The following EXTL3 variants were observed in gnomAD, a reference collection of about 807,000 sequenced individuals.
EXTL3 encodes the protein exostosin like glycosyltransferase 3, also known as exostosin-like 3.
Under a neutral mutation model 69.3 loss-of-function variants are expected in EXTL3, and 27 were observed. The observed-to-expected ratio is 0.39, with a 90% CI of 0.29 to 0.54. The LOEUF is 0.54. Among genes scored for constraint, EXTL3 ranks in the 20% least tolerant of loss-of-function variants. EXTL3 has a pLI of 0.69. For synonymous variants in EXTL3, 511 were observed against 499.4 expected, an observed-to-expected ratio of 1.02 and a Z score of -0.31; for missense variants, 1,003 against 1,231.8, an observed-to-expected ratio of 0.81 and a Z score of 2.78.
chr8:28,673,632 T>C lies in EXTL3; in HGVS notation c.-52-39825T>C, dbSNP rs77227158. Among the ~76,000 whole-genome samples, 345 of 152,312 alleles carry C rather than the reference T, an allele frequency of 2.3e-3. 2 individuals carry two copies. Among genetic ancestry groups the C allele is most frequent in the African/African-American group, 7.6e-3 (315 of 41,584 alleles). On this transcript the variant is annotated intron_variant, in intron 1 of 6. Transcript: ENST00000523149. ...TACTATCCATAATCGTGTGAGTCAATTCCTTACAATTAATCAATCCCTCTC... is the reference window on the plus strand; with the variant it reads ...TACTATCCATAATCGTGTGAGTCAACTCCTTACAATTAATCAATCCCTCTC...
intron 1 of EXTL3, among the ~76,000 whole-genome samples, chr8:28,693,303 C>A (rs1253112469): frequency 6.6e-6 from 1 of 152,054 alleles, no homozygotes; most frequent in Non-Finnish European, 1.5e-5. Context: ...GCGCCCGCCA[C>A]CACACCAGGA....
intron 1 of EXTL3, among the ~76,000 whole-genome samples, chr8:28,666,154 T>C (rs2130631833): frequency 6.6e-6 from 1 of 152,368 alleles, no homozygotes; most frequent in African/African-American, 2.4e-5. Context: ...TTTTCATCAT[T>C]TCAATGGGTC....
chr8:28,619,194 C>G (rs1049541106), upstream of EXTL3, among the ~76,000 whole-genome samples: 2 of 137,138 alleles, frequency 1.5e-5, no homozygotes, highest in African/African-American at 2.6e-5. Flanking sequence ...GACCATATGT[C>G]CTTCTCAAGG....
intron 1 of EXTL3, among the ~76,000 whole-genome samples, chr8:28,639,212 A>G (rs1241142846): frequency 6.6e-6 from 1 of 152,108 alleles, no homozygotes; most frequent in Non-Finnish European, 1.5e-5. Flanking sequence ...CTGGGATTAC[A>G]GGCGTGAGCC....
At chr8:28,638,724 C>T (rs58874097) in intron 1 of EXTL3, among the ~76,000 whole-genome samples, 4,177 of 152,186 alleles carry the variant, frequency 0.027, 141 homozygotes, top group African/African-American at 0.083. Flanking sequence ...CTCTGCCTCC[C>T]GGGTTCGAGC....
At chr8:28,743,933 C>T (rs1195281712) in intron 6 of EXTL3, 1 of 152,422 alleles carries the variant, frequency 6.6e-6, no homozygotes, top group Non-Finnish European at 1.5e-5. Flanking sequence ...TTGCTCACAA[C>T]CAAAAATACC....
chr8:28,715,710 G>T lies in EXTL3; in HGVS notation c.-350G>T. On this transcript the variant is annotated 5_prime_UTR_variant, in exon 3 of 7. It removes an upstream start codon present in the reference 5' UTR. Coordinates refer to ENST00000220562, the MANE Select transcript of EXTL3 (RefSeq NM_001440.4). ...AGCAAAACCAAGAAACAAGAGCTAT[G>T]GCATTTGAAAAAGTCTGTCTGATTC... The T allele has an allele frequency of 3.2e-6, 1 of 313,446 alleles. No individual in the cohort carries two copies. The highest frequency in any genetic ancestry group is 6.0e-6 in the Non-Finnish European group (1 of 167,242). The allele number at this position is 313,446 out of a possible 1,614,324, so 19.4% of individuals were successfully genotyped here. A position where few individuals can be genotyped will look rare whatever the true frequency, so the allele number is the denominator to read the frequency against.
chr8:28,737,782 G>C (rs1405233073), intron 5 of EXTL3, 119 bp downstream of exon 5: 5 of 1,192,828 alleles, frequency 4.2e-6, no homozygotes, highest in Non-Finnish European at 6.2e-6. Flanking sequence ...TTTTGTGCTA[G>C]AAGTCAGTTT....
chr8:28,618,972 G>A (rs7822416), upstream of EXTL3, among the ~76,000 whole-genome samples: 31,935 of 150,966 alleles, frequency 0.21, 4,009 homozygotes, highest in Non-Finnish European at 0.28. Context: ...CGTGCCTGTA[G>A]TCCCAGCTAC....
rs767568293 is a variant in EXTL3, at chr8:28,717,144, C to T, written c.1085C>T (p.Ser362Phe). Residue 362 changes from serine to phenylalanine, a missense_variant, in exon 3 of 7, where the codon TCC becomes TTC. By Grantham distance (155) the Ser-to-Phe change is radical. Transcript: ENST00000220562. This position sits in a 1 kb window ranked among gnomAD's most constrained non-coding sequence, Gnocchi z 8.3. ...AGGTCTAGCCTTCAGGAGGCCCGCTCCTTCGAAGAGGAAATGGAGGGCGAC... is the reference window on the plus strand; with the variant it reads ...AGGTCTAGCCTTCAGGAGGCCCGCTTCTTCGAAGAGGAAATGGAGGGCGAC... ...SLRSSLQEARSFEEEMEGDPP... is the reference protein window; with the variant it reads ...SLRSSLQEARFFEEEMEGDPP... 1 of 1,614,242 alleles carries T rather than the reference C, an allele frequency of 6.2e-7. No homozygotes were observed. The highest frequency in any genetic ancestry group is 1.1e-5 in the South Asian group (1 of 91,090).
chr8:28,677,412 G>A (rs1231917726), intron 1 of EXTL3, among the ~76,000 whole-genome samples: 2 of 152,036 alleles, frequency 1.3e-5, no homozygotes, highest in Non-Finnish European at 2.9e-5. Flanking sequence ...TGTAACTTCC[G>A]AGTACAGAGA....
chr8:28,648,892 GGTTT>G (rs936249167), intron 1 of EXTL3, among the ~76,000 whole-genome samples: 9 of 151,664 alleles, frequency 5.9e-5, no homozygotes, highest in South Asian at 2.1e-4. Context: ...GGTTTGTTTT[GGTTT>G]GTTTGTTTGT....
chr8:28,719,312 T>C (rs1008806062), intron 3 of EXTL3, among the ~76,000 whole-genome samples: 6 of 152,220 alleles, frequency 3.9e-5, no homozygotes, highest in African/African-American at 1.4e-4. Flanking sequence ...ATAAGACAAC[T>C]AAGGATTCTA....
chr8:28,746,740 A>T (rs928426838), intron 6 of EXTL3, among the ~76,000 whole-genome samples: 2 of 152,104 alleles, frequency 1.3e-5, no homozygotes, highest in Admixed American at 1.3e-4. Context: ...CAGTGGTGCA[A>T]TCTCGGCTCA....
chr8:28,679,277 C>T (rs1180692876), intron 1 of EXTL3, among the ~76,000 whole-genome samples: 5 of 152,096 alleles, frequency 3.3e-5, no homozygotes, highest in African/African-American at 1.2e-4. Flanking sequence ...GAAATCCCGT[C>T]TCTACTAAAA....
chr8:28,746,282 A>G (rs903189851), intron 6 of EXTL3, among the ~76,000 whole-genome samples: 10 of 152,198 alleles, frequency 6.6e-5, no homozygotes, highest in Non-Finnish European at 1.3e-4. Flanking sequence ...TCTTTGAATA[A>G]TGTACTACTT....
intron 1 of EXTL3, among the ~76,000 whole-genome samples, chr8:28,678,875 A>T (rs1477254477): frequency 6.6e-6 from 1 of 152,174 alleles, no homozygotes; most frequent in Non-Finnish European, 1.5e-5. Flanking sequence ...CCAACTAAGG[A>T]TGGGCTGCCC....
intron 1 of EXTL3, among the ~76,000 whole-genome samples, chr8:28,686,333 C>CA (rs542892730): frequency 0.014 from 1,763 of 123,292 alleles, 20 homozygotes; most frequent in East Asian, 0.066. Flanking sequence ...CTCTCTCTCT[C>CA]AAAAAAAAAA....
At chr8:28,641,834 T>G (rs1806747378) in intron 1 of EXTL3, among the ~76,000 whole-genome samples, 1 of 151,510 alleles carries the variant, frequency 6.6e-6, no homozygotes, top group Admixed American at 6.6e-5. Flanking sequence ...TTTAATTTAA[T>G]TTATTTATTT....
Sources: allele counts gnomAD v4.1 joint callset (sites outside exome capture counted in the v4.1 genomes callset), GRCh38; gene constraint gnomAD v4.1.1; non-coding constraint Gnocchi (gnomAD v3.1); transcripts MANE v1.5; gene names NCBI Gene and HGNC (gene_info 2026-07-23, HGNC 2026-07-21).